RPS6KC1: variants seen among roughly 807,000 people sequenced by gnomAD.
RPS6KC1 encodes ribosomal protein S6 kinase C1.
A neutral mutation model predicts 103.8 loss-of-function variants in RPS6KC1; 54 were observed. That is an observed-to-expected ratio of 0.52 (90% CI 0.42 to 0.65). RPS6KC1 has a LOEUF of 0.65. Ranked by LOEUF, RPS6KC1 falls within the 30% of genes least tolerant of loss-of-function variation. The probability of loss-of-function intolerance (pLI) is 0.00; values close to 1 mark genes in which losing one functional copy is unlikely to be tolerated. For missense variants in RPS6KC1, 1,151 were observed against 1,253.8 expected, an observed-to-expected ratio of 0.92 and a Z score of 1.24; for synonymous variants, 439 against 438.7, an observed-to-expected ratio of 1.00 and a Z score of -0.01.
intron 3 of RPS6KC1, among the ~76,000 whole-genome samples, chr1:213,090,193 TAAG>T (rs1246613809): frequency 6.6e-6 from 1 of 152,248 alleles, no homozygotes; most frequent in Non-Finnish European, 1.5e-5. Context: ...AAGATAATTT[TAAG>T]AAGTCATCAG....
chr1:213,433,038 A>C, the RPS6KC1 span, among the ~76,000 whole-genome samples: 5 of 152,354 alleles, frequency 3.3e-5, no homozygotes, highest in Non-Finnish European at 7.3e-5. Flanking sequence ...TCTGTAGCTC[A>C]GAAGACTGAT....
the RPS6KC1 span, among the ~76,000 whole-genome samples, chr1:213,343,371 C>CT: frequency 0.9 from 91,713 of 101,632 alleles, 42,220 homozygotes; most frequent in Non-Finnish European, 0.98. Context: ...GGAGCTTAAA[C>CT]TTTTTTTTCA....
chr1:213,300,043 G>GATCT, the RPS6KC1 span, among the ~76,000 whole-genome samples: 3 of 152,106 alleles, frequency 2.0e-5, no homozygotes, highest in Admixed American at 6.6e-5. Flanking sequence ...CTGACCTCAT[G>GATCT]ATCTGCCTGC....
At chr1:213,108,846 C>T (rs1294052679) in intron 4 of RPS6KC1, among the ~76,000 whole-genome samples, 2 of 151,886 alleles carry the variant, frequency 1.3e-5, no homozygotes, top group African/African-American at 4.8e-5. Context: ...GACAGGTTCT[C>T]ACTGTGTTGC....
chr1:213,760,848 CTTTT>C, the RPS6KC1 span, among the ~76,000 whole-genome samples: 24 of 117,174 alleles, frequency 2.0e-4, no homozygotes, highest in Admixed American at 1.4e-3. Flanking sequence ...TGTGAGTCTA[CTTTT>C]TTTTTTTTTT....
the RPS6KC1 span, among the ~76,000 whole-genome samples, chr1:213,393,208 C>T: frequency 6.6e-6 from 1 of 152,194 alleles, no homozygotes; most frequent in African/African-American, 2.4e-5. Context: ...TAGTGAGCCT[C>T]ATGGCATTTA....
chr1:213,369,271 G>C, the RPS6KC1 span, among the ~76,000 whole-genome samples: 2 of 152,206 alleles, frequency 1.3e-5, no homozygotes, highest in Non-Finnish European at 2.9e-5. Flanking sequence ...GGCTTGTTTG[G>C]ATCCTGACAT....
At chr1:213,389,697 A>G in the RPS6KC1 span, among the ~76,000 whole-genome samples, 1 of 152,138 alleles carries the variant, frequency 6.6e-6, no homozygotes, top group African/African-American at 2.4e-5. Flanking sequence ...TACCCAGGCC[A>G]AGAAGACGAA....
intron 6 of RPS6KC1, among the ~76,000 whole-genome samples, chr1:213,162,098 TTG>T (rs1342629724): frequency 1.6e-4 from 24 of 152,224 alleles, no homozygotes; most frequent in Admixed American, 1.0e-3. Context: ...TTCCTTAGTT[TTG>T]GCTCTTTCTT....
At chr1:213,771,118 C>A in the RPS6KC1 span, among the ~76,000 whole-genome samples, 2,311 of 128,192 alleles carry the variant, frequency 0.018, 61 homozygotes, top group African/African-American at 0.057. Flanking sequence ...GTCTCCTTCT[C>A]TCTCCTTTGT....
intron 10 of RPS6KC1, among the ~76,000 whole-genome samples, chr1:213,240,147 A>C (rs539453619): frequency 2.0e-5 from 3 of 152,294 alleles, no homozygotes; most frequent in Non-Finnish European, 4.4e-5. Context: ...TGGGCATAAA[A>C]GGGGAAATAT....
the RPS6KC1 span, among the ~76,000 whole-genome samples, chr1:213,467,926 T>C: frequency 1.3e-5 from 2 of 152,244 alleles, no homozygotes; most frequent in South Asian, 4.1e-4. Flanking sequence ...TTTCATTAAA[T>C]GGCTTTCCAT....
the RPS6KC1 span, among the ~76,000 whole-genome samples, chr1:213,548,411 C>G: frequency 7.9e-5 from 12 of 152,130 alleles, no homozygotes; most frequent in African/African-American, 2.4e-4. Context: ...GCCTGTAATC[C>G]CAGCACTTTG....
chr1:213,165,402 G>T (rs2090869206), intron 6 of RPS6KC1, among the ~76,000 whole-genome samples: 1 of 150,086 alleles, frequency 6.7e-6, no homozygotes, highest in Non-Finnish European at 1.5e-5. Context: ...GGCTAATTTT[G>T]TGTGTTTTTT....
chr1:213,813,984 T>C, the RPS6KC1 span, among the ~76,000 whole-genome samples: 1 of 152,216 alleles, frequency 6.6e-6, no homozygotes, highest in Admixed American at 6.5e-5. Flanking sequence ...TAGAGAGACC[T>C]GAGATGCCTA....
At chr1:213,537,560 A>G in the RPS6KC1 span, among the ~76,000 whole-genome samples, 1 of 152,300 alleles carries the variant, frequency 6.6e-6, no homozygotes, top group African/African-American at 2.4e-5. Flanking sequence ...GCTGCTTGAC[A>G]CAGAAGCCTT....
At chr1:213,472,889 A>C in the RPS6KC1 span, among the ~76,000 whole-genome samples, 1 of 152,228 alleles carries the variant, frequency 6.6e-6, no homozygotes, top group Non-Finnish European at 1.5e-5. Context: ...TGTGACTCTA[A>C]AGTTTGGCAA....
intron 8 of RPS6KC1, among the ~76,000 whole-genome samples, chr1:213,219,654 A>G (rs2093772358): frequency 6.6e-6 from 1 of 152,208 alleles, no homozygotes; most frequent in Non-Finnish European, 1.5e-5. Flanking sequence ...TGTGGCACAT[A>G]TACACCATGG....
At chr1:213,800,617 G>A in the RPS6KC1 span, among the ~76,000 whole-genome samples, 5 of 152,180 alleles carry the variant, frequency 3.3e-5, no homozygotes, top group Non-Finnish European at 1.5e-5. Context: ...CCACCTGTAA[G>A]TAAAGAACAA....
Sources: gnomAD v4.1 joint callset for allele counts (sites outside exome capture counted in the v4.1 genomes callset) on GRCh38, gnomAD v4.1.1 for gene constraint, MANE v1.5 for transcripts, NCBI Gene and HGNC (gene_info 2026-07-23, HGNC 2026-07-21) for gene names.